The following PTPRD variants were observed in gnomAD, a reference collection of about 807,000 sequenced individuals.
The protein encoded by PTPRD is receptor-type tyrosine-protein phosphatase delta.
PTPRD carries 34 observed loss-of-function variants against 214.5 expected under a neutral mutation model. The observed-to-expected ratio is 0.16, with a 90% CI of 0.12 to 0.21. The LOEUF is 0.21. Among genes scored for constraint, PTPRD ranks in the 10% least tolerant of loss-of-function variants. The pLI, the probability that PTPRD is intolerant of heterozygous loss-of-function variation, is 1.00. For synonymous variants in PTPRD, 1,128 were observed against 845.7 expected (o/e 1.33, Z -5.79); for missense variants, 2,545 against 2,398.7 (o/e 1.06, Z -1.27).
chr9:8,340,942 T>C, intron 41 of PTPRD, 148 bp downstream of exon 41: 1 of 786,724 alleles, frequency 1.3e-6, no homozygotes, highest in Non-Finnish European at 1.9e-6. Flanking sequence ...CTATCCAAAA[T>C]AACAAAAAAA....
chr9:9,000,889 T>C (rs2099415409), intron 11 of PTPRD, among the ~76,000 whole-genome samples: 1 of 151,756 alleles, frequency 6.6e-6, no homozygotes. Context: ...TTGGCCAGAG[T>C]ATACTCACAA....
intron 9 of PTPRD, among the ~76,000 whole-genome samples, chr9:9,351,919 C>G (rs967851082): frequency 3.3e-5 from 5 of 151,942 alleles, no homozygotes; most frequent in African/African-American, 4.8e-5. Context: ...CATGATTAGT[C>G]TGGAACACAG....
intron 39 of PTPRD, among the ~76,000 whole-genome samples, chr9:8,364,695 A>G (rs1381785618): frequency 6.6e-6 from 1 of 152,330 alleles, no homozygotes; most frequent in African/African-American, 2.4e-5. Context: ...GGACAAGTTT[A>G]TCTATCTCTG....
chr9:8,631,082 T>G (rs1188461930), intron 14 of PTPRD, among the ~76,000 whole-genome samples: 2 of 151,892 alleles, frequency 1.3e-5, no homozygotes, highest in African/African-American at 4.8e-5. Flanking sequence ...CAGATTTGGC[T>G]TCAAATATGA....
chr9:8,535,116 G>C (rs1197984838), intron 14 of PTPRD, among the ~76,000 whole-genome samples: 1 of 151,788 alleles, frequency 6.6e-6, no homozygotes, highest in Non-Finnish European at 1.5e-5. Flanking sequence ...GATTGAATTA[G>C]ATGATGCATT....
intron 5 of PTPRD, among the ~76,000 whole-genome samples, chr9:9,933,613 C>G: frequency 6.6e-6 from 1 of 150,560 alleles, no homozygotes; most frequent in Non-Finnish European, 1.5e-5. Context: ...ACTTAGACTC[C>G]CACACATTAA....
chr9:10,340,153 T>C (rs1422768486), intron 3 of PTPRD, among the ~76,000 whole-genome samples: 2 of 151,914 alleles, frequency 1.3e-5, no homozygotes, highest in Non-Finnish European at 2.9e-5. Flanking sequence ...TTCTAAATGC[T>C]CATTCCACAT....
chr9:9,389,220 G>A (rs1333466989), intron 9 of PTPRD, among the ~76,000 whole-genome samples: 1 of 152,126 alleles, frequency 6.6e-6, no homozygotes, highest in African/African-American at 2.4e-5. Flanking sequence ...CTCAAAAATA[G>A]TAAAACGCAG....
intron 11 of PTPRD, among the ~76,000 whole-genome samples, chr9:8,784,082 A>G (rs2095845350): frequency 6.6e-6 from 1 of 152,192 alleles, no homozygotes; most frequent in Admixed American, 6.5e-5. Context: ...TTGCCCCTTC[A>G]GCCCTTGGAG....
intron 2 of PTPRD, among the ~76,000 whole-genome samples, chr9:10,349,592 C>A (rs566508102): frequency 1.3e-5 from 2 of 151,840 alleles, no homozygotes; most frequent in East Asian, 3.9e-4. Flanking sequence ...TTGAATAGGT[C>A]TTTAAGTTAA....
At chr9:8,777,234 C>G (rs10815939) in intron 11 of PTPRD, among the ~76,000 whole-genome samples, 2 of 151,222 alleles carry the variant, frequency 1.3e-5, no homozygotes, top group Admixed American at 1.3e-4. Context: ...CCTGCTTCCA[C>G]CTCCCAAAGA....
intron 3 of PTPRD, among the ~76,000 whole-genome samples, chr9:10,112,238 C>A (rs1177457999): frequency 6.6e-6 from 1 of 152,206 alleles, no homozygotes; most frequent in Non-Finnish European, 1.5e-5. Context: ...GGAAGACAAC[C>A]AGTCACAGCT....
At chr9:10,219,144 A>G (rs2099554595) in intron 3 of PTPRD, among the ~76,000 whole-genome samples, 1 of 151,814 alleles carries the variant, frequency 6.6e-6, no homozygotes, top group Non-Finnish European at 1.5e-5. Flanking sequence ...TCTGATAGAC[A>G]TCTTCATTTA....
At chr9:9,691,347 T>C (rs1006104342) in intron 7 of PTPRD, among the ~76,000 whole-genome samples, 2 of 152,000 alleles carry the variant, frequency 1.3e-5, no homozygotes, top group Non-Finnish European at 2.9e-5. Context: ...GTTCAATTGT[T>C]TTATTTTTTA....
chr9:9,500,827 G>A (rs2096388489), intron 8 of PTPRD, among the ~76,000 whole-genome samples: 3 of 151,964 alleles, frequency 2.0e-5, no homozygotes, highest in Admixed American at 2.0e-4. Flanking sequence ...TGTTACAATA[G>A]ATGTAGAATT....
At chr9:8,607,263 A>G (rs1457872601) in intron 14 of PTPRD, among the ~76,000 whole-genome samples, 3 of 152,232 alleles carry the variant, frequency 2.0e-5, no homozygotes, top group African/African-American at 7.2e-5. Context: ...ATATATACTT[A>G]AAAACATCAT....
At chr9:9,632,427 C>G (rs1276668862) in intron 7 of PTPRD, among the ~76,000 whole-genome samples, 1 of 152,004 alleles carries the variant, frequency 6.6e-6, no homozygotes, top group African/African-American at 2.4e-5. Flanking sequence ...TGGAAAGTGA[C>G]TTTTGATGGT....
At chr9:8,890,802 T>C (rs573115834) in intron 11 of PTPRD, among the ~76,000 whole-genome samples, 106 of 152,240 alleles carry the variant, frequency 7.0e-4, no homozygotes, top group African/African-American at 2.4e-3. Context: ...GGAAGCAAGG[T>C]GCTATTATAA....
chr9:10,278,336 A>C (rs2094851489), intron 3 of PTPRD, among the ~76,000 whole-genome samples: 1 of 152,198 alleles, frequency 6.6e-6, no homozygotes, highest in Non-Finnish European at 1.5e-5. Flanking sequence ...CTTAATAAGA[A>C]AATACAGGCT....
Sources: allele counts gnomAD v4.1 joint callset (sites outside exome capture counted in the v4.1 genomes callset), GRCh38; gene constraint gnomAD v4.1.1; transcripts MANE v1.5; gene names NCBI Gene and HGNC (gene_info 2026-07-23, HGNC 2026-07-21).